FHL2: variants seen among roughly 807,000 people sequenced by gnomAD.
FHL2 encodes the protein four and a half LIM domains 2, also known as four and a half LIM domains protein 2.
A neutral mutation model predicts 32.7 loss-of-function variants in FHL2; 20 were observed. That is an observed-to-expected ratio of 0.61 (90% CI 0.43 to 0.89). The LOEUF (loss-of-function observed/expected upper bound fraction) is 0.89, where lower values mean the gene tolerates loss of function less well. Among genes scored for constraint, FHL2 ranks in the 40% least tolerant of loss-of-function variants. FHL2 has a pLI of 0.00. For synonymous variants in FHL2, 123 were observed against 128.1 expected (o/e 0.96, Z 0.27); for missense variants, 311 against 358.6 (o/e 0.87, Z 1.07).
intron 2 of FHL2, 139 bp from the exon 3 acceptor site, chr2:105,386,679 C>G: frequency 1.0e-5 from 7 of 668,750 alleles, no homozygotes; most frequent in Non-Finnish European, 1.7e-5. Flanking sequence ...TAAAACTCAC[C>G]CTTTAATCGG....
intron 1 of FHL2, among the ~76,000 whole-genome samples, chr2:105,426,458 C>G (rs758177632): frequency 6.6e-6 from 1 of 152,192 alleles, no homozygotes; most frequent in Non-Finnish European, 1.5e-5. Context: ...AATACCTTTG[C>G]AGTTTGCTTT....
At chr2:105,361,923 TTGTCGCAG>T (rs547822499) in intron 6 of FHL2, among the ~76,000 whole-genome samples, 1 of 152,134 alleles carries the variant, frequency 6.6e-6, no homozygotes, top group Non-Finnish European at 1.5e-5. Context: ...GAGAGGGATA[TTGTCGCAG>T]TGGGAAGATC....
intron 2 of FHL2, among the ~76,000 whole-genome samples, chr2:105,396,061 G>A (rs1034138805): frequency 1.3e-5 from 2 of 152,172 alleles, no homozygotes; most frequent in African/African-American, 4.8e-5. Context: ...CTTAAAAAAA[G>A]GGAGAATGAC....
chr2:105,422,450 T>C (rs536784787), intron 1 of FHL2, among the ~76,000 whole-genome samples: 1 of 152,272 alleles, frequency 6.6e-6, no homozygotes, highest in South Asian at 2.1e-4. Context: ...GTGGATCACA[T>C]ATAAGAGAAA....
intron 1 of FHL2, among the ~76,000 whole-genome samples, chr2:105,417,685 A>C (rs1409556616): frequency 5.8e-4 from 2 of 3,442 alleles, no homozygotes; most frequent in Admixed American, 3.0e-3. Context: ...CTCCATCTCC[A>C]AAAAAAAAAA....
intron 1 of FHL2, among the ~76,000 whole-genome samples, chr2:105,419,836 G>T (rs1684045333): frequency 2.0e-5 from 3 of 152,072 alleles, no homozygotes; most frequent in Non-Finnish European, 4.4e-5. Context: ...TCTCACTTTT[G>T]CCAGTGTAAT....
rs182890315 is a variant in FHL2 at position 105,412,855 on chromosome 2, A to G, written c.-25+25544T>C. Among the ~76,000 whole-genome samples the G allele has an allele frequency of 8.9e-3, 1,361 of 152,178 alleles. 19 individuals carry two copies. Among genetic ancestry groups the G allele is most frequent in the African/African-American group, 0.031 (1,275 of 41,510 alleles). Reference sequence around the variant, plus strand: ...GCACAGTGGCTGTTGGTGACGTCTGAATGTGATCAGTGGCATGATGGGGAC... The same window carrying G: ...GCACAGTGGCTGTTGGTGACGTCTGGATGTGATCAGTGGCATGATGGGGAC... On this transcript the variant is annotated intron_variant, in intron 1 of 5. Transcript: ENST00000393352.
intron 1 of FHL2, among the ~76,000 whole-genome samples, chr2:105,408,592 T>A (rs537636061): frequency 6.6e-6 from 1 of 152,230 alleles, no homozygotes; most frequent in Non-Finnish European, 1.5e-5. Context: ...CACTTACAAC[T>A]GGCACGTGGA....
chr2:105,387,424 A>G (rs546997236), intron 2 of FHL2, among the ~76,000 whole-genome samples: 1 of 152,290 alleles, frequency 6.6e-6, no homozygotes, highest in South Asian at 2.1e-4. Context: ...AAAACTGCCA[A>G]AGTCCCTGAG....
intron 2 of FHL2, among the ~76,000 whole-genome samples, chr2:105,391,980 G>A (rs890002748): frequency 6.6e-6 from 1 of 152,140 alleles, no homozygotes; most frequent in Non-Finnish European, 1.5e-5. Flanking sequence ...TCCTCACCAA[G>A]CTAAATCATT....
intron 1 of FHL2, chr2:105,397,010 G>GTTTTTTTTTTTTTTT (rs35576785): frequency 9.2e-6 from 1 of 108,296 alleles, no homozygotes; most frequent in Non-Finnish European, 1.7e-5. Context: ...TATCTAGTCT[G>GTTTTTTTTTTTTTTT]TTTTTTTTTT....
At chr2:105,428,762 G>A (rs764123577) in intron 1 of FHL2, among the ~76,000 whole-genome samples, 7 of 152,300 alleles carry the variant, frequency 4.6e-5, no homozygotes, top group Admixed American at 2.0e-4. Context: ...GAGCTAGGCC[G>A]CCTCAGCTCT....
chr2:105,438,488 A>T, exon 1 of FHL2: 1 of 985,458 alleles, frequency 1.0e-6, no homozygotes, highest in Non-Finnish European at 1.2e-6. Flanking sequence ...GATGGCCCCA[A>T]CCTTCTGTGC....
At chr2:105,389,421 T>C (rs1026857300) in intron 2 of FHL2, among the ~76,000 whole-genome samples, 1 of 152,232 alleles carries the variant, frequency 6.6e-6, no homozygotes, top group African/African-American at 2.4e-5. Flanking sequence ...TATATGTTTT[T>C]CCAATAAAGG....
At chr2:105,409,977 A>G (rs1194681373) in intron 1 of FHL2, among the ~76,000 whole-genome samples, 1 of 152,260 alleles carries the variant, frequency 6.6e-6, no homozygotes, top group Non-Finnish European at 1.5e-5. Flanking sequence ...CAGGAATACC[A>G]GGAGCTCAGC....
At chr2:105,430,250 T>C (rs6753085) in intron 1 of FHL2, among the ~76,000 whole-genome samples, 53,182 of 152,038 alleles carry the variant, frequency 0.35, 9,983 homozygotes, top group African/African-American at 0.5. Flanking sequence ...TGCTTTGAAT[T>C]GAAGCACACT....
intron 1 of FHL2, among the ~76,000 whole-genome samples, chr2:105,413,672 G>A (rs990922496): frequency 6.6e-6 from 1 of 151,974 alleles, no homozygotes; most frequent in South Asian, 2.1e-4. Context: ...TAGAGACAAG[G>A]TCTTGCTATG....
chr2:105,434,346 C>T (rs571377438), intron 1 of FHL2, among the ~76,000 whole-genome samples: 12 of 152,242 alleles, frequency 7.9e-5, no homozygotes, highest in South Asian at 4.2e-4. Flanking sequence ...CTGAGGTGGG[C>T]GGATCGCCTG....
chr2:105,383,253 A>G (rs1274764401), intron 3 of FHL2, among the ~76,000 whole-genome samples: 1 of 152,238 alleles, frequency 6.6e-6, no homozygotes, highest in Non-Finnish European at 1.5e-5. Context: ...AAAACTCTGT[A>G]ATCAGTCTAC....
Sources: allele counts gnomAD v4.1 joint callset (sites outside exome capture counted in the v4.1 genomes callset), GRCh38; gene constraint gnomAD v4.1.1; transcripts MANE v1.5; gene names NCBI Gene and HGNC (gene_info 2026-07-23, HGNC 2026-07-21).